TMEM245: variants seen among roughly 807,000 people sequenced by gnomAD.
TMEM245 encodes transmembrane protein 245, also known as protein CG-2.
TMEM245 carries 69 observed loss-of-function variants against 101.2 expected under a neutral mutation model. The observed-to-expected ratio is 0.68, with a 90% CI of 0.56 to 0.83. The LOEUF is 0.83. TMEM245 is among the 40% of genes least tolerant of loss of function. The probability of loss-of-function intolerance (pLI) is 0.00; values close to 1 mark genes in which losing one functional copy is unlikely to be tolerated. For synonymous variants in TMEM245, 537 were observed against 449.8 expected (o/e 1.19, Z -2.45); for missense variants, 1,075 against 1,092.8 (o/e 0.98, Z 0.23).
At chr9:109,091,885 T>C (rs143344448) in intron 4 of TMEM245, among the ~76,000 whole-genome samples, 1,533 of 152,304 alleles carry the variant, frequency 0.01, 11 homozygotes, top group Non-Finnish European at 0.013. Context: ...ATATATACTA[T>C]AATAATGAAA....
intron 3 of TMEM245, among the ~76,000 whole-genome samples, chr9:109,101,586 A>T (rs1830283580): frequency 1.3e-5 from 2 of 152,270 alleles, no homozygotes; most frequent in Admixed American, 1.3e-4. Context: ...GATTATTTAG[A>T]CTAGAAGTCC....
At chr9:109,062,956 C>G (rs1315716918) in intron 10 of TMEM245, among the ~76,000 whole-genome samples, 1 of 150,114 alleles carries the variant, frequency 6.7e-6, no homozygotes, top group African/African-American at 2.5e-5. Context: ...GGCAACAGAG[C>G]AAGACTCCCT....
At chr9:109,088,490 T>C (rs1564199992) in intron 5 of TMEM245, among the ~76,000 whole-genome samples, 1 of 152,012 alleles carries the variant, frequency 6.6e-6, no homozygotes, top group Non-Finnish European at 1.5e-5. Flanking sequence ...GCAACAGCAT[T>C]TGACACACAG....
intron 3 of TMEM245, among the ~76,000 whole-genome samples, chr9:109,101,813 G>A (rs1183824258): frequency 6.6e-6 from 1 of 152,014 alleles, no homozygotes; most frequent in Non-Finnish European, 1.5e-5. Context: ...ATTCATAATC[G>A]ACCATGGTCT....
At chr9:109,064,738 T>G (rs1829114068) in intron 9 of TMEM245, among the ~76,000 whole-genome samples, 171 bp from the exon 10 acceptor site, 2 of 152,342 alleles carry the variant, frequency 1.3e-5, no homozygotes, top group Non-Finnish European at 2.9e-5. Flanking sequence ...GTCCTAAGTC[T>G]CTAACATTCA....
chr9:109,085,303 G>A (rs1461965659), intron 7 of TMEM245, among the ~76,000 whole-genome samples: 3 of 152,090 alleles, frequency 2.0e-5, no homozygotes, highest in African/African-American at 7.2e-5. Flanking sequence ...TAAACATTAC[G>A]ATATGTGGAC....
At chr9:109,028,966 G>A (rs1368689701) in intron 17 of TMEM245, among the ~76,000 whole-genome samples, 1 of 152,136 alleles carries the variant, frequency 6.6e-6, no homozygotes, top group Non-Finnish European at 1.5e-5. Context: ...CACAGAAGCT[G>A]TATCGTAAAT....
At chr9:109,082,930 A>G (rs1829709988) in intron 7 of TMEM245, among the ~76,000 whole-genome samples, 1 of 152,192 alleles carries the variant, frequency 6.6e-6, no homozygotes, top group Admixed American at 6.5e-5. Flanking sequence ...AATTTAAAAT[A>G]AACAAAATTA....
chr9:109,085,905 T>C lies in TMEM245; in HGVS notation c.1344+92A>G, dbSNP rs546297852. 2,560 of 1,404,380 alleles carry C rather than the reference T, an allele frequency of 1.8e-3. 6 individuals carry two copies. Among genetic ancestry groups the C allele is most frequent in the Non-Finnish European group, 2.3e-3 (2,327 of 994,040 alleles). 87.0% of individuals were successfully genotyped at this position (1,404,380 alleles called of 1,614,324 possible). A position where few individuals can be genotyped will look rare whatever the true frequency, so the allele number is the denominator to read the frequency against. On this transcript the variant is annotated intron_variant, in intron 7 of 17. Transcript: ENST00000374586. Reference sequence around the variant, plus strand: ...AAAACTTTGAAAACAAAAACTTAGTTTGACACATGGACAGAAACATAGAGT... The same window carrying C: ...AAAACTTTGAAAACAAAAACTTAGTCTGACACATGGACAGAAACATAGAGT...
At chr9:109,040,713 T>A (rs982637206) in intron 14 of TMEM245, among the ~76,000 whole-genome samples, 2 of 152,240 alleles carry the variant, frequency 1.3e-5, no homozygotes, top group African/African-American at 2.4e-5. Flanking sequence ...TTTTGGTGTT[T>A]CTTTCACCTA....
intron 11 of TMEM245, among the ~76,000 whole-genome samples, chr9:109,059,793 A>C (rs966825083): frequency 3.9e-5 from 6 of 152,070 alleles, no homozygotes; most frequent in African/African-American, 7.2e-5. Context: ...GTACTGTCTA[A>C]AACAGTAGCC....
chr9:109,118,922 A>C (rs993462513), intron 1 of TMEM245, among the ~76,000 whole-genome samples: 1 of 152,156 alleles, frequency 6.6e-6, no homozygotes, highest in African/African-American at 2.4e-5. Context: ...GTTGGCCTAG[A>C]ATCTCTAAGG....
At chr9:109,036,883 A>G (rs1315869991) in intron 15 of TMEM245, among the ~76,000 whole-genome samples, 1 of 152,186 alleles carries the variant, frequency 6.6e-6, no homozygotes, top group Non-Finnish European at 1.5e-5. Context: ...CCAAGTTAAG[A>G]GTAAAGCAAA....
At chr9:109,043,890 G>A (rs1177158070) in intron 14 of TMEM245, among the ~76,000 whole-genome samples, 3 of 152,052 alleles carry the variant, frequency 2.0e-5, no homozygotes, top group Non-Finnish European at 2.9e-5. Flanking sequence ...ACCTCTCTGT[G>A]GAATAAAAGT....
Position 109,091,073 on chromosome 9 carries a change from AGGTGAAGGGGAAGTG to A in TMEM245, c.984_998del (p.Ser330_Thr334del). On this transcript the variant is annotated inframe_deletion, in exon 5 of 18. Coordinates refer to ENST00000374586, the MANE Select transcript of TMEM245 (RefSeq NM_032012.4). ...TTTCAGGCCTTCGTCTGCCCAGAGT[AGGTGAAGGGGAAGTG>A]GGTGAAGGGGAGGAGGGTGAAGGGG... 1 of 1,614,070 alleles carries A rather than the reference AGGTGAAGGGGAAGTG, an allele frequency of 6.2e-7. No homozygotes were observed. The highest frequency in any genetic ancestry group is 8.5e-7 in the Non-Finnish European group (1 of 1,179,988).
At chr9:109,111,087 T>G (rs1320332606) in intron 1 of TMEM245, among the ~76,000 whole-genome samples, 1 of 152,078 alleles carries the variant, frequency 6.6e-6, no homozygotes, top group African/African-American at 2.4e-5. Flanking sequence ...AAAAAAAAGT[T>G]TTGCTCAGAA....
At chr9:109,057,147 T>C (rs776525190) in intron 12 of TMEM245, 44 bp downstream of exon 12, 14 of 1,593,670 alleles carry the variant, frequency 8.8e-6, no homozygotes, top group African/African-American at 1.3e-5. Flanking sequence ...TTACAGTTTG[T>C]TTTTATTTTG....
At chr9:109,041,403 A>C (rs1319665429) in intron 14 of TMEM245, among the ~76,000 whole-genome samples, 1 of 151,804 alleles carries the variant, frequency 6.6e-6, no homozygotes, top group African/African-American at 2.4e-5. Flanking sequence ...GTGGAATGTA[A>C]GAGTTGAACT....
At chr9:109,049,604 A>G (rs962368003) in intron 14 of TMEM245, among the ~76,000 whole-genome samples, 4 of 152,138 alleles carry the variant, frequency 2.6e-5, no homozygotes, top group African/African-American at 9.6e-5. Flanking sequence ...AGGCAGGCAG[A>G]TCACTTAAGG....
Sources: gnomAD v4.1 joint callset for allele counts (sites outside exome capture counted in the v4.1 genomes callset) on GRCh38, gnomAD v4.1.1 for gene constraint, MANE v1.5 for transcripts, NCBI Gene and HGNC (gene_info 2026-07-23, HGNC 2026-07-21) for gene names.